The following CWC25 variants were observed in gnomAD, a reference collection of about 807,000 sequenced individuals.
CWC25 encodes pre-mRNA-splicing factor CWC25 homolog.
A neutral mutation model predicts 54.6 loss-of-function variants in CWC25; 31 were observed. That is an observed-to-expected ratio of 0.57 (90% confidence interval 0.43 to 0.77). The LOEUF is 0.77. CWC25 is among the 30% of genes least tolerant of loss of function. CWC25 has a pLI of 0.00. For synonymous variants in CWC25, 151 were observed against 187.0 expected (o/e 0.81, Z 1.57); for missense variants, 453 against 529.3 (o/e 0.86, Z 1.41).
intron 1 of CWC25, 33 bp downstream of exon 1, chr17:38,825,133 A>T: frequency 7.0e-7 from 1 of 1,426,782 alleles, no homozygotes; most frequent in Non-Finnish European, 9.2e-7. Flanking sequence ...TCCCGGCCTC[A>T]GTCCTCCCCC....
chr17:38,803,856 A>T (rs1911124252), intron 8 of CWC25, among the ~76,000 whole-genome samples: 1 of 151,926 alleles, frequency 6.6e-6, no homozygotes, highest in Admixed American at 6.6e-5. Context: ...TAGGCAACAA[A>T]GTGAGACCTC....
At chr17:38,812,967 A>G in intron 3 of CWC25, 103 bp from the exon 4 acceptor site, 1 of 690,654 alleles carries the variant, frequency 1.4e-6, no homozygotes, top group Non-Finnish European at 2.5e-6. Context: ...CCATGTTAAA[A>G]TCTACATGAT....
rs142729965 is a variant in CWC25 at position 38,811,130 on chromosome 17, C to T, written c.499-535G>A. ...CCTGTAGTTCTAGCTACTCGGGAGG[C>T]TGAGGCAGAAGAATCACTTGAACCC... is the stretch of plus-strand genomic sequence containing the variant. On this transcript the variant is annotated intron_variant, in intron 4 of 9. Coordinates refer to ENST00000614790, the MANE Select transcript of CWC25 (RefSeq NM_017748.5). Among the ~76,000 whole-genome samples the T allele has an allele frequency of 1.1e-4, 17 of 150,792 alleles. No individual in the cohort carries two copies. In the East Asian group the frequency reaches 3.1e-3, roughly 28 times the overall value.
At position 38,820,958 on chromosome 17, in the gene CWC25, C is replaced by T. The variant is rs752860055; in HGVS notation, c.134G>A (p.Arg45Gln). Residue 45 changes from arginine to glutamine, a missense_variant, in exon 2 of 10, where the codon CGA becomes CAA. Arg to Gln is a conservative substitution (Grantham distance 43, BLOSUM62 1). Transcript: ENST00000614790. ...CATCTCTTCCCGGGCTCTCTCTTCT[C>T]GCAGCTCCCGCTGAAGCTCCTCAAT... ...KKIEELQRELREERAREEMQR... is the reference protein window; with the variant it reads ...KKIEELQRELQEERAREEMQR... The T allele has an allele frequency of 3.1e-6, 5 of 1,613,990 alleles. No individual in the cohort carries two copies. The highest frequency in any genetic ancestry group is 2.2e-5 in the South Asian group (2 of 91,088).
intron 2 of CWC25, among the ~76,000 whole-genome samples, chr17:38,816,208 C>T (rs1911691506): frequency 6.6e-6 from 1 of 152,114 alleles, no homozygotes; most frequent in African/African-American, 2.4e-5. Flanking sequence ...ACAGTATTAT[C>T]TATAACCTGA....
At chr17:38,802,945 A>G in intron 8 of CWC25, 84 bp from the exon 9 acceptor site, 1 of 1,522,176 alleles carries the variant, frequency 6.6e-7, no homozygotes. Context: ...GCCAGGTGGG[A>G]CCCCAAGCTC....
intron 1 of CWC25, among the ~76,000 whole-genome samples, chr17:38,824,172 T>C (rs1238498023): frequency 6.6e-6 from 1 of 152,196 alleles, no homozygotes; most frequent in Non-Finnish European, 1.5e-5. Context: ...TTCCGGAGGC[T>C]AGCATTTTCC....
chr17:38,806,627 A>AC, intron 7 of CWC25, 138 bp downstream of exon 7: 1 of 873,056 alleles, frequency 1.1e-6, no homozygotes, highest in East Asian at 2.7e-5. Context: ...GTGGAAAAAA[A>AC]AAATGATGTA....
At chr17:38,813,697 C>A (rs1368585626) in intron 3 of CWC25, among the ~76,000 whole-genome samples, 1 of 152,030 alleles carries the variant, frequency 6.6e-6, no homozygotes. Context: ...GCCCCCACCA[C>A]CATGCCTAGC....
At chr17:38,810,185 C>T (rs1051900729) in intron 5 of CWC25, 6 of 461,278 alleles carry the variant, frequency 1.3e-5, no homozygotes, top group Non-Finnish European at 2.3e-5. Flanking sequence ...AGAGTCACCC[C>T]CAGGATGTCT....
chr17:38,804,798 A>AG (rs1911164802), intron 8 of CWC25, among the ~76,000 whole-genome samples: 1 of 85,526 alleles, frequency 1.2e-5, no homozygotes. Flanking sequence ...ACAGAGCGAG[A>AG]CAAAAAAAAA....
intron 3 of CWC25, 122 bp from the exon 4 acceptor site, chr17:38,812,986 T>C (rs970999996): frequency 1.6e-6 from 1 of 630,342 alleles, no homozygotes; most frequent in East Asian, 2.8e-5. Flanking sequence ...ATTAGCTGGG[T>C]GTGGTGGTGT....
rs556993858 is a variant in CWC25, at chr17:38,808,239, G to A, written c.691-1263C>T. On this transcript the variant is annotated intron_variant, in intron 6 of 9. Transcript: ENST00000614790. ...TCTACTAAAAATACAAAAATTAGCC[G>A]GGTGTGGTGGTGGGTGCCCGTAGTC... is the stretch of plus-strand genomic sequence containing the variant. 3.8e-3 allele frequency among the ~76,000 whole-genome samples: 527 copies of A among 136,978 alleles called. 79 individuals carry two copies. The highest frequency in any genetic ancestry group is 5.6e-3 in the Admixed American group (71 of 12,590). 89.9% of individuals were successfully genotyped at this position (136,978 alleles called of 152,430 possible). A position where few individuals can be genotyped will look rare whatever the true frequency, so the allele number is the denominator to read the frequency against.
chr17:38,822,771 G>C (rs1567676821), intron 1 of CWC25, among the ~76,000 whole-genome samples: 1 of 151,934 alleles, frequency 6.6e-6, no homozygotes, highest in African/African-American at 2.4e-5. Flanking sequence ...GCAAGAAGAA[G>C]CCAAGTGAGA....
chr17:38,809,622 A>G lies in CWC25; in HGVS notation c.690+80T>C, dbSNP rs1174348723. The G allele has an allele frequency of 3.6e-6, 5 of 1,373,926 alleles. No individual in the cohort carries two copies. The East Asian group carries it at 1.2e-4, about 32-fold the overall frequency. 85.1% of individuals were successfully genotyped at this position (1,373,926 alleles called of 1,614,324 possible). ...CCCAGCAGCCCAGGCTTCACTGCCC[A>G]CCTCCCTGCTATCCACATTGTCCAA... On this transcript the variant is annotated intron_variant, in intron 6 of 9. Transcript: ENST00000614790.
At chr17:38,808,691 G>GAATC (rs1293039813) in intron 6 of CWC25, among the ~76,000 whole-genome samples, 1 of 150,636 alleles carries the variant, frequency 6.6e-6, no homozygotes, top group Non-Finnish European at 1.5e-5. Flanking sequence ...TGAGGCAGGA[G>GAATC]AATCGCTTGA....
In CWC25 at chr17:38,821,003, T is replaced by C. The variant is rs749033658; in HGVS notation, c.89A>G (p.His30Arg). Residue 30 changes from histidine (H) to arginine (R), a missense_variant, in exon 2 of 10, where the codon CAT (histidine) becomes CGT (arginine). Physicochemically the swap from His to Arg is conservative, Grantham distance 29 (BLOSUM62 0). This residue lies in a region of CWC25 where 444 missense variants were observed against 499.2 expected (regional missense o/e 0.89). Transcript: ENST00000614790. ...CTCAATCTTCTTCCGCTCAGCCTCA[T>C]GCTTCTGCTCGGCCTTCCACACTTT... ...VEKVWKAEQK[H>R]EAERKKIEEL... 1 of 1,613,980 alleles carries C rather than the reference T, an allele frequency of 6.2e-7. No homozygotes were observed. The highest frequency in any genetic ancestry group is 2.2e-5 in the East Asian group (1 of 44,878).
intron 3 of CWC25, among the ~76,000 whole-genome samples, chr17:38,813,201 C>T (rs915932124): frequency 1.1e-4 from 17 of 151,478 alleles, no homozygotes; most frequent in Admixed American, 6.6e-4. Context: ...TCATCTCACA[C>T]CTGTAATCCC....
At chr17:38,807,095 G>C (rs1433378031) in intron 6 of CWC25, 119 bp from the exon 7 acceptor site, 6 of 689,262 alleles carry the variant, frequency 8.7e-6, no homozygotes, top group Middle Eastern at 3.5e-4. Context: ...GCCGAGGCGG[G>C]GGGGATCACC....
Sources: allele counts gnomAD v4.1 joint callset (sites outside exome capture counted in the v4.1 genomes callset), GRCh38; gene constraint gnomAD v4.1.1; regional missense constraint gnomAD v4.1.1; transcripts MANE v1.5; gene names NCBI Gene and HGNC (gene_info 2026-07-23, HGNC 2026-07-21).